The following ADGRF5 variants were observed in gnomAD, a reference collection of about 807,000 sequenced individuals.
ADGRF5 encodes the protein adhesion G protein-coupled receptor F5.
In ADGRF5, 75 loss-of-function variants were observed where a neutral mutation model predicts 132.3. The observed-to-expected ratio is 0.57, with a 90% CI of 0.47 to 0.69. The LOEUF is 0.69. Among genes scored for constraint, ADGRF5 ranks in the 30% least tolerant of loss-of-function variants. The pLI, the probability that ADGRF5 is intolerant of heterozygous loss-of-function variation, is 0.00. For synonymous variants in ADGRF5, 629 were observed against 597.6 expected, an observed-to-expected ratio of 1.05 and a Z score of -0.77; for missense variants, 1,516 against 1,630.6, an observed-to-expected ratio of 0.93 and a Z score of 1.21.
chr6:46,856,843 A>G (rs766211793), intron 18 of ADGRF5, 24 bp downstream of exon 18: 2 of 1,608,074 alleles, frequency 1.2e-6, no homozygotes, highest in Non-Finnish European at 1.7e-6. Context: ...TTTTCTAGAA[A>G]CATGAAACTG....
intron 12 of ADGRF5, among the ~76,000 whole-genome samples, chr6:46,868,594 A>G (rs981662070): frequency 6.6e-6 from 1 of 152,218 alleles, no homozygotes; most frequent in Admixed American, 6.5e-5. Flanking sequence ...AAGTACTTTT[A>G]AAAACAATCC....
intron 1 of ADGRF5, among the ~76,000 whole-genome samples, chr6:46,909,667 T>G (rs1775741257): frequency 6.6e-6 from 1 of 152,108 alleles, no homozygotes; most frequent in African/African-American, 2.4e-5. Context: ...GGCCTGTTCT[T>G]ACAACCCTTA....
chr6:46,871,090 C>T (rs1231232952), intron 11 of ADGRF5, among the ~76,000 whole-genome samples: 4 of 151,866 alleles, frequency 2.6e-5, no homozygotes, highest in South Asian at 2.1e-4. Context: ...AAAACATGAA[C>T]GACAGTTAAC....
chr6:46,908,129 T>C (rs1174914634), intron 1 of ADGRF5: 2 of 152,180 alleles, frequency 1.3e-5, no homozygotes, highest in Non-Finnish European at 2.9e-5. Flanking sequence ...AGTGGAAAAC[T>C]GGAAAACTGA....
At position 46,868,877 on chromosome 6, in the gene ADGRF5, A is replaced by G. The variant is rs764808954; in HGVS notation, c.1621+6T>C. The G allele has an allele frequency of 6.9e-6, 11 of 1,587,578 alleles. No homozygotes were observed. Among genetic ancestry groups the G allele is most frequent in the Admixed American group, 1.7e-5 (1 of 59,792 alleles). On this transcript the variant is annotated splice_donor_region_variant and intron_variant, in intron 12 of 20. Transcript: ENST00000283296. ...AGCACAATACGGTGTCCGGCCTTTC[A>G]CTCACCATTCCACTCCCTGGTCGAG...
chr6:46,939,281 T>C (rs1461583567), intron 1 of ADGRF5, among the ~76,000 whole-genome samples: 1 of 152,130 alleles, frequency 6.6e-6, no homozygotes, highest in East Asian at 1.9e-4. Context: ...GTTCGTTGAG[T>C]GGCCAGTTTC....
At chr6:46,911,002 A>C (rs1217102209) in intron 1 of ADGRF5, among the ~76,000 whole-genome samples, 1 of 152,180 alleles carries the variant, frequency 6.6e-6, no homozygotes, top group Non-Finnish European at 1.5e-5. Context: ...ACTTCTGAGA[A>C]TAATCATAAC....
intron 4 of ADGRF5, among the ~76,000 whole-genome samples, chr6:46,884,522 G>A (rs1166207878): frequency 6.6e-6 from 1 of 152,208 alleles, no homozygotes; most frequent in Admixed American, 6.5e-5. Flanking sequence ...CTTTTAGATA[G>A]TCATGCCTAA....
chr6:46,917,355 T>C lies in ADGRF5; in HGVS notation c.-25+4358A>G, dbSNP rs936883775. Among the ~76,000 whole-genome samples the C allele has an allele frequency of 9.5e-4, 144 of 152,188 alleles. 1 individual carries two copies. Among genetic ancestry groups the C allele is most frequent in the Admixed American group, 8.1e-3 (124 of 15,280 alleles). On this transcript the variant is annotated intron_variant, in intron 1 of 20. Transcript: ENST00000283296. ...TACTCATCTGGTCCTGCCATGTGGA[T>C]CACTTTTCAGCACTGTGTGTTTTTC... is the stretch of plus-strand genomic sequence containing the variant.
rs183312908 is a variant in ADGRF5 at position 46,912,814 on chromosome 6, C to A, written c.-24-6028G>T. Among the ~76,000 whole-genome samples the A allele has an allele frequency of 9.9e-3, 1,510 of 152,168 alleles. 19 individuals are homozygous for A. Among genetic ancestry groups the A allele is most frequent in the Non-Finnish European group, 0.016 (1,056 of 68,014 alleles). ...CCCTCCTGTGCAAATAACTCACAAT[C>A]TTCCTGTGCCCAAGTTATGACCAGA... On this transcript the variant is annotated intron_variant, in intron 1 of 20. Transcript: ENST00000283296.
chr6:46,928,432 G>A (rs1420054389), intron 1 of ADGRF5, among the ~76,000 whole-genome samples: 8 of 152,116 alleles, frequency 5.3e-5, no homozygotes, highest in Non-Finnish European at 8.8e-5. Flanking sequence ...AAATAACCAA[G>A]TTGTGACTGG....
intron 1 of ADGRF5, among the ~76,000 whole-genome samples, chr6:46,948,971 G>A (rs979769759): frequency 1.3e-5 from 2 of 152,176 alleles, no homozygotes; most frequent in African/African-American, 4.8e-5. Flanking sequence ...CCATGCTTTG[G>A]ACATGAGACA....
rs112304939 is a variant in ADGRF5 at position 46,910,705 on chromosome 6, C to A, written c.-24-3919G>T. Among the ~76,000 whole-genome samples the A allele has an allele frequency of 3.3e-3, 492 of 148,640 alleles. 3 individuals are homozygous for A. The highest frequency in any genetic ancestry group is 0.028 in the Middle Eastern group (8 of 290). ...TCTTGGTGGGAAATCAACCAACCAA[C>A]CAAACAAACAAACAAACAAACAAAC... is the stretch of plus-strand genomic sequence containing the variant. On this transcript the variant is annotated intron_variant, in intron 1 of 20. Transcript: ENST00000283296.
chr6:46,910,091 A>T lies in ADGRF5; in HGVS notation c.-24-3305T>A, dbSNP rs548699347. ...TCAACTCTTCTCTTAGAAATCCTTC[A>T]TCAGCCCTGAGATCAGAAAACTAGG... On this transcript the variant is annotated intron_variant, in intron 1 of 20. Coordinates refer to ENST00000283296, the MANE Select transcript of ADGRF5 (RefSeq NM_001098518.2). Among the ~76,000 whole-genome samples the T allele has an allele frequency of 3.3e-5, 5 of 152,278 alleles. No homozygotes were observed. In the East Asian group the frequency reaches 9.7e-4, roughly 29 times the overall value.
At chr6:46,897,096 A>ACT (rs1338194861) in intron 3 of ADGRF5, among the ~76,000 whole-genome samples, 3 of 151,384 alleles carry the variant, frequency 2.0e-5, no homozygotes, top group African/African-American at 7.3e-5. Flanking sequence ...ACACACACAC[A>ACT]CTCATATACA....
intron 1 of ADGRF5, among the ~76,000 whole-genome samples, chr6:46,941,387 CAAAG>C (rs1778040500): frequency 2.4e-5 from 2 of 83,120 alleles, no homozygotes; most frequent in Non-Finnish European, 4.7e-5. Flanking sequence ...AAGAAAGAAA[CAAAG>C]AAAAGAAAAG....
intron 10 of ADGRF5, 61 bp from the exon 11 acceptor site, chr6:46,872,074 G>T: frequency 8.4e-7 from 1 of 1,187,746 alleles, no homozygotes; most frequent in South Asian, 1.6e-5. Context: ...TAGTAGCAAA[G>T]AGGTCAAATC....
intron 1 of ADGRF5, among the ~76,000 whole-genome samples, chr6:46,950,241 T>C (rs1778448353): frequency 6.6e-6 from 1 of 152,168 alleles, no homozygotes; most frequent in Non-Finnish European, 1.5e-5. Flanking sequence ...AGCTCACTCA[T>C]TTTTAGATGA....
At position 46,884,080 on chromosome 6, in the gene ADGRF5, T is replaced by C; in HGVS notation, c.505+15A>G. On this transcript the variant is annotated intron_variant, in intron 5 of 20. Coordinates refer to ENST00000283296, the MANE Select transcript of ADGRF5 (RefSeq NM_001098518.2). ...GAATAGCCACTCAACGAGCATTTAA[T>C]GAGCAGTTACTTACCTTCCTGAAGC... The C allele has an allele frequency of 3.1e-6, 5 of 1,606,984 alleles. No homozygotes were observed. The highest frequency in any genetic ancestry group is 1.7e-5 in the Admixed American group (1 of 59,746).
Sources: gnomAD v4.1 joint callset for allele counts (sites outside exome capture counted in the v4.1 genomes callset) on GRCh38, gnomAD v4.1.1 for gene constraint, MANE v1.5 for transcripts, NCBI Gene and HGNC (gene_info 2026-07-23, HGNC 2026-07-21) for gene names.